The following C2orf80 variants were observed in gnomAD, a reference collection of about 807,000 sequenced individuals.
The protein encoded by C2orf80 is uncharacterized protein C2orf80.
C2orf80 carries 28 observed loss-of-function variants against 30.2 expected under a neutral mutation model. That is an observed-to-expected ratio of 0.93 (90% CI 0.69 to 1.27). The LOEUF is 1.27. Ranked by LOEUF, C2orf80 falls within the 50% of genes most tolerant of loss-of-function variation. The pLI is 0.00. For synonymous variants in C2orf80, 80 were observed against 76.4 expected (o/e 1.05, Z -0.24); for missense variants, 220 against 231.0 (o/e 0.95, Z 0.31).
At position 208,184,062 on chromosome 2, in the gene C2orf80, A is replaced by G. The variant is rs372124922; in HGVS notation, c.123+889T>C. 2.6e-5 allele frequency among the ~76,000 whole-genome samples: 4 copies of G among 152,252 alleles called. No homozygotes were observed. The East Asian group carries it at 5.8e-4, about 22-fold the overall frequency. ...CCAAACTGAACAGTGAACCTAAATG[A>G]ATAAATAAACAGGAAGAATGGGACC... On this transcript the variant is annotated intron_variant, in intron 3 of 8. Coordinates refer to ENST00000341287, the MANE Select transcript of C2orf80 (RefSeq NM_001099334.3).
intron 1 of C2orf80, among the ~76,000 whole-genome samples, chr2:208,187,481 G>T (rs1352859350): frequency 4.0e-5 from 6 of 151,526 alleles, no homozygotes; most frequent in African/African-American, 1.5e-4. Context: ...GTTTTCCATA[G>T]AATCCATCTA....
chr2:208,180,681 A>C, intron 6 of C2orf80, 64 bp downstream of exon 6: 1 of 1,269,258 alleles, frequency 7.9e-7, no homozygotes, highest in Non-Finnish European at 1.1e-6. Flanking sequence ...AACATTATAC[A>C]TTTATACACT....
chr2:208,175,667 T>C (rs1321583938), intron 6 of C2orf80, among the ~76,000 whole-genome samples: 1 of 152,114 alleles, frequency 6.6e-6, no homozygotes, highest in African/African-American at 2.4e-5. Flanking sequence ...AGCTGTTGCT[T>C]AGGAGACATT....
At position 208,165,707 on chromosome 2, in the gene C2orf80, T is replaced by C; in HGVS notation, c.*100A>G. On this transcript the variant is annotated 3_prime_UTR_variant, in exon 9 of 9. Transcript: ENST00000341287. Reference sequence around the variant, plus strand: ...AGTGCAGTTGTACCAAAAACAGTTGTAAAGAAAAATGTACTGGCAAGAGCT... The same window carrying C: ...AGTGCAGTTGTACCAAAAACAGTTGCAAAGAAAAATGTACTGGCAAGAGCT... 1.9e-6 allele frequency: 3 copies of C among 1,552,256 alleles called. No homozygotes were observed. The highest frequency in any genetic ancestry group is 2.6e-6 in the Non-Finnish European group (3 of 1,141,958).
At chr2:208,172,531 A>T (rs1696135545) in intron 6 of C2orf80, among the ~76,000 whole-genome samples, 1 of 152,204 alleles carries the variant, frequency 6.6e-6, no homozygotes, top group Non-Finnish European at 1.5e-5. Context: ...AGTCTTTAAC[A>T]GGCACTTTAC....
chr2:208,175,385 A>G (rs377289442), intron 6 of C2orf80, among the ~76,000 whole-genome samples: 1 of 152,138 alleles, frequency 6.6e-6, no homozygotes, highest in African/African-American at 2.4e-5. Context: ...AATTTTTTCT[A>G]TGAGTCCAGA....
At chr2:208,179,253 G>A (rs1198615910) in intron 6 of C2orf80, among the ~76,000 whole-genome samples, 3 of 152,244 alleles carry the variant, frequency 2.0e-5, no homozygotes, top group Non-Finnish European at 1.5e-5. Context: ...CAGGACTACA[G>A]TCAGGTTACA....
chr2:208,176,986 T>C (rs1696364550), intron 6 of C2orf80, among the ~76,000 whole-genome samples: 4 of 73,758 alleles, frequency 5.4e-5, no homozygotes, highest in African/African-American at 8.4e-5. Flanking sequence ...TACAGAAATG[T>C]ATATGTATAC....
At chr2:208,173,546 A>G (rs1407460429) in intron 6 of C2orf80, among the ~76,000 whole-genome samples, 1 of 151,950 alleles carries the variant, frequency 6.6e-6, no homozygotes, top group Non-Finnish European at 1.5e-5. Flanking sequence ...AATGGTGTGA[A>G]CCCGGGAGGC....
At chr2:208,166,989 T>C (rs1695916922) in intron 8 of C2orf80, among the ~76,000 whole-genome samples, 1 of 152,142 alleles carries the variant, frequency 6.6e-6, no homozygotes, top group South Asian at 2.1e-4. Context: ...ATATAACTTA[T>C]TTAATGCTTA....
chr2:208,173,454 G>T (rs553601001), intron 6 of C2orf80, among the ~76,000 whole-genome samples: 3 of 151,870 alleles, frequency 2.0e-5, no homozygotes. Context: ...GAAAACCCGT[G>T]TCTACTAAAA....
At chr2:208,185,073 C>T (rs11903894) in intron 2 of C2orf80, 41 bp from the exon 3 acceptor site, 18 of 1,483,438 alleles carry the variant, frequency 1.2e-5, no homozygotes, top group East Asian at 2.3e-5. Flanking sequence ...TGGAGTGACA[C>T]GGGCTCAGTC....
At chr2:208,180,046 C>T (rs1445747515) in intron 6 of C2orf80, among the ~76,000 whole-genome samples, 2 of 151,998 alleles carry the variant, frequency 1.3e-5, no homozygotes, top group Non-Finnish European at 2.9e-5. Context: ...TGAGAATGAG[C>T]CTTGTGGATC....
At chr2:208,173,137 A>AAC (rs1252267516) in intron 6 of C2orf80, among the ~76,000 whole-genome samples, 74 of 151,524 alleles carry the variant, frequency 4.9e-4, no homozygotes, top group African/African-American at 1.7e-3. Flanking sequence ...AAAAAAAAAA[A>AAC]AAAAAAACTC....
At position 208,165,869 on chromosome 2, in the gene C2orf80, A is replaced by G. The variant is rs1006823826; in HGVS notation, c.574-54T>C. 4 of 1,242,988 alleles carry G rather than the reference A, an allele frequency of 3.2e-6. No individual in the cohort carries two copies. The African/African-American group carries it at 4.5e-5, about 14-fold the overall frequency. The allele number at this position is 1,242,988 out of a possible 1,614,324, so 77.0% of individuals were successfully genotyped here. On this transcript the variant is annotated intron_variant, in intron 8 of 8. Coordinates refer to ENST00000341287, the MANE Select transcript of C2orf80 (RefSeq NM_001099334.3). ...AAGCACATCAATTTAACATGGACACAGACATTACTTTAAGTCTATAGGAAG... is the reference window on the plus strand; with the variant it reads ...AAGCACATCAATTTAACATGGACACGGACATTACTTTAAGTCTATAGGAAG...
intron 6 of C2orf80, among the ~76,000 whole-genome samples, chr2:208,173,135 A>C (rs1559338318): frequency 6.6e-6 from 1 of 151,592 alleles, no homozygotes; most frequent in Admixed American, 6.6e-5. Flanking sequence ...AAAAAAAAAA[A>C]AAAAAAAAAC....
chr2:208,177,552 C>G (rs1008337831), intron 6 of C2orf80, among the ~76,000 whole-genome samples: 1 of 151,506 alleles, frequency 6.6e-6, no homozygotes, highest in African/African-American at 2.4e-5. Flanking sequence ...AAGAAAAAAA[C>G]AAACAAACAA....
intron 8 of C2orf80, among the ~76,000 whole-genome samples, chr2:208,166,017 T>C (rs768539213): frequency 6.6e-6 from 1 of 152,144 alleles, no homozygotes; most frequent in Non-Finnish European, 1.5e-5. Flanking sequence ...CCCAACTAAA[T>C]GCAATATGTG....
At chr2:208,188,409 C>T (rs1696782021) in intron 1 of C2orf80, among the ~76,000 whole-genome samples, 1 of 151,584 alleles carries the variant, frequency 6.6e-6, no homozygotes, top group African/African-American at 2.4e-5. Flanking sequence ...TGGCGCTGAT[C>T]TAAATGAATG....
Sources: allele counts gnomAD v4.1 joint callset (sites outside exome capture counted in the v4.1 genomes callset), GRCh38; gene constraint gnomAD v4.1.1; transcripts MANE v1.5; gene names NCBI Gene and HGNC (gene_info 2026-07-23, HGNC 2026-07-21).